PTPRD: variants seen among roughly 807,000 people sequenced by gnomAD.
The protein encoded by PTPRD is protein tyrosine phosphatase receptor type D, also known as receptor-type tyrosine-protein phosphatase delta.
A neutral mutation model predicts 214.5 loss-of-function variants in PTPRD; 34 were observed. That is an observed-to-expected ratio of 0.16 (90% CI 0.12 to 0.21). The LOEUF (loss-of-function observed/expected upper bound fraction) is 0.21, where lower values mean the gene tolerates loss of function less well. Among genes scored for constraint, PTPRD ranks in the 10% least tolerant of loss-of-function variants. PTPRD has a pLI of 1.00. For missense variants in PTPRD, 2,545 were observed against 2,398.7 expected (o/e 1.06, Z -1.27); for synonymous variants, 1,128 against 845.7 (o/e 1.33, Z -5.79).
At chr9:8,492,710 T>A (rs2097176138) in intron 27 of PTPRD, 152 bp downstream of exon 27, 1 of 452,844 alleles carries the variant, frequency 2.2e-6, no homozygotes, top group Non-Finnish European at 3.9e-6. Context: ...TCTATTTTTT[T>A]TTTTTTACCC....
intron 35 of PTPRD, 24 bp from the exon 36 acceptor site, chr9:8,404,684 T>C (rs368539415): frequency 6.9e-6 from 11 of 1,591,574 alleles, no homozygotes; most frequent in East Asian, 4.5e-5. Context: ...ACAACACATA[T>C]ACACAAAATC....
chr9:9,886,890 G>A (rs1445865785), intron 5 of PTPRD, among the ~76,000 whole-genome samples: 1 of 152,040 alleles, frequency 6.6e-6, no homozygotes. Flanking sequence ...GACATAGAAG[G>A]TCTGTCCCAG....
intron 2 of PTPRD, among the ~76,000 whole-genome samples, chr9:10,442,146 C>A (rs976368117): frequency 2.0e-5 from 3 of 151,688 alleles, no homozygotes; most frequent in South Asian, 4.2e-4. Flanking sequence ...TTATCCTCAA[C>A]TAAAATACCT....
At chr9:8,642,321 G>C (rs367768936) in intron 12 of PTPRD, among the ~76,000 whole-genome samples, 1 of 152,168 alleles carries the variant, frequency 6.6e-6, no homozygotes, top group Admixed American at 6.5e-5. Context: ...TAACGAATTG[G>C]CTTTGTTTCT....
At chr9:9,833,400 C>T (rs930159692) in intron 5 of PTPRD, among the ~76,000 whole-genome samples, 6 of 151,864 alleles carry the variant, frequency 4.0e-5, no homozygotes, top group Admixed American at 6.6e-5. Flanking sequence ...GGGTGACAGA[C>T]ATCAAGTACT....
chr9:10,530,272 A>G (rs2055811156), intron 2 of PTPRD, among the ~76,000 whole-genome samples: 1 of 151,798 alleles, frequency 6.6e-6, no homozygotes, highest in Non-Finnish European at 1.5e-5. Context: ...TACTTAGTTC[A>G]TTATTTAAAG....
At chr9:8,338,771 T>G in intron 43 of PTPRD, 151 bp downstream of exon 43, 1 of 591,672 alleles carries the variant, frequency 1.7e-6, no homozygotes, top group South Asian at 3.3e-5. Flanking sequence ...CTCTTACATA[T>G]TAAACATAAA....
chr9:10,228,118 G>A (rs1044281989), intron 3 of PTPRD, among the ~76,000 whole-genome samples: 4 of 150,840 alleles, frequency 2.7e-5, no homozygotes, highest in African/African-American at 9.7e-5. Flanking sequence ...TTTAAAAAAA[G>A]AGAGAGAAAA....
At chr9:10,078,514 TAAAAAAAAAAAAAA>T (rs71485315) in intron 3 of PTPRD, among the ~76,000 whole-genome samples, 4 of 78,762 alleles carry the variant, frequency 5.1e-5, no homozygotes, top group African/African-American at 2.0e-4. Context: ...AGACTCCATC[TAAAAAAAAAAAAAA>T]AAAAAAAAAA....
chr9:9,844,063 TA>T (rs1311225422), intron 5 of PTPRD, among the ~76,000 whole-genome samples: 2 of 151,992 alleles, frequency 1.3e-5, no homozygotes, highest in Non-Finnish European at 2.9e-5. Context: ...GTTCTTTGGG[TA>T]CTTTAATGAC....
chr9:9,877,368 G>C lies in PTPRD; in HGVS notation c.-368+61139C>G, dbSNP rs113153540. ...GGGAGGATAAGGGAGGAAGATTTGA[G>C]GCAAAGACTTCAAGCCACTTTTCCT... On this transcript the variant is annotated intron_variant, in intron 5 of 45. Transcript: ENST00000381196. Among the ~76,000 whole-genome samples the C allele has an allele frequency of 1.3e-3, 201 of 152,220 alleles. 1 individual carries two copies. The highest frequency in any genetic ancestry group is 4.5e-3 in the African/African-American group (186 of 41,540).
intron 3 of PTPRD, among the ~76,000 whole-genome samples, chr9:10,153,136 G>T (rs1352478782): frequency 1.3e-5 from 2 of 152,120 alleles, no homozygotes; most frequent in Admixed American, 1.3e-4. Flanking sequence ...TTGTATGTAT[G>T]AAAGTTGTTG....
At chr9:9,519,065 T>A (rs1329991110) in intron 8 of PTPRD, among the ~76,000 whole-genome samples, 1 of 151,904 alleles carries the variant, frequency 6.6e-6, no homozygotes, top group East Asian at 1.9e-4. Context: ...AAACAATTAA[T>A]CTCCATGTGT....
chr9:9,057,350 T>A (rs571681288), intron 10 of PTPRD, among the ~76,000 whole-genome samples: 1 of 152,088 alleles, frequency 6.6e-6, no homozygotes, highest in African/African-American at 2.4e-5. Flanking sequence ...TTGGAGAATA[T>A]CCAATTCAAT....
At chr9:8,320,346 G>A (rs546427169) in intron 44 of PTPRD, among the ~76,000 whole-genome samples, 66 of 152,166 alleles carry the variant, frequency 4.3e-4, no homozygotes, top group African/African-American at 1.5e-3. Context: ...AAATAATTCA[G>A]AATAAGGTGA....
chr9:9,775,591 A>C (rs1023586565), intron 5 of PTPRD, among the ~76,000 whole-genome samples: 2 of 152,170 alleles, frequency 1.3e-5, no homozygotes, highest in Non-Finnish European at 2.9e-5. Context: ...TGATCTCCCC[A>C]CCTTCAATTT....
chr9:9,530,897 A>G (rs2075316964), intron 8 of PTPRD, among the ~76,000 whole-genome samples: 1 of 152,096 alleles, frequency 6.6e-6, no homozygotes, highest in African/African-American at 2.4e-5. Flanking sequence ...TATGGGTGGG[A>G]GGTGGATGAT....
intron 3 of PTPRD, among the ~76,000 whole-genome samples, chr9:10,303,987 T>C (rs1021133461): frequency 6.6e-6 from 1 of 152,170 alleles, no homozygotes; most frequent in Non-Finnish European, 1.5e-5. Context: ...CTAATATCCC[T>C]GATGAACATT....
chr9:8,486,279 C>T lies in PTPRD; in HGVS notation c.2538G>A (p.Pro846=), dbSNP rs148166873. 3.2e-5 allele frequency: 52 copies of T among 1,614,124 alleles called. No homozygotes were observed. The highest frequency in any genetic ancestry group is 1.2e-4 in the African/African-American group (9 of 75,026). The change falls in exon 28 of 46, where the codon CCG becomes CCA. Residue 846 remains proline, a synonymous_variant. Coordinates refer to ENST00000381196, the MANE Select transcript of PTPRD (RefSeq NM_002839.4). ...CCTGAAGAGGTCCAAATGTGTCCACCGGAGGGTGCCACTGAATAAGAGCAG... is the reference window on the plus strand; with the variant it reads ...CCTGAAGAGGTCCAAATGTGTCCACTGGAGGGTGCCACTGAATAAGAGCAG... ...MNTALIQWHP[P]VDTFGPLQGY...
Sources: gnomAD v4.1 joint callset for allele counts (sites outside exome capture counted in the v4.1 genomes callset) on GRCh38, gnomAD v4.1.1 for gene constraint, MANE v1.5 for transcripts, NCBI Gene and HGNC (gene_info 2026-07-23, HGNC 2026-07-21) for gene names.